The following HPCA variants were observed in gnomAD, a reference collection of about 807,000 sequenced individuals.
The protein encoded by HPCA is neuron-specific calcium-binding protein hippocalcin.
Under a neutral mutation model 18.2 loss-of-function variants are expected in HPCA, and 4 were observed. That is an observed-to-expected ratio of 0.22 (90% confidence interval 0.11 to 0.50). The LOEUF (loss-of-function observed/expected upper bound fraction) is 0.50, where lower values mean the gene tolerates loss of function less well. Among genes scored for constraint, HPCA ranks in the 20% least tolerant of loss-of-function variants. The probability of loss-of-function intolerance (pLI) is 0.97; values close to 1 mark genes in which losing one functional copy is unlikely to be tolerated. For synonymous variants in HPCA, 93 were observed against 103.5 expected (o/e 0.90, Z 0.61); for missense variants, 161 against 265.8 (o/e 0.61, Z 2.74).
At position 32,893,663 on chromosome 1, in the gene HPCA, C is replaced by T. The variant is rs748820769; in HGVS notation, c.484+34C>T. ...CAGGGGCGGGACGGGGTGGACGGGG[C>T]GGGCGCCTTTCCCTCCCTCCCTCCC... On this transcript the variant is annotated intron_variant, in intron 3 of 3. Coordinates refer to ENST00000373467, the MANE Select transcript of HPCA (RefSeq NM_002143.3). This position sits in a 1 kb window ranked among gnomAD's most constrained non-coding sequence, Gnocchi z 7.5. 6.0e-6 allele frequency: 9 copies of T among 1,488,784 alleles called. No individual in the cohort carries two copies. The highest frequency in any genetic ancestry group is 1.4e-5 in the African/African-American group (1 of 72,418). The allele number at this position is 1,488,784 out of a possible 1,614,324, so 92.2% of individuals were successfully genotyped here. A position where few individuals can be genotyped will look rare whatever the true frequency, so the allele number is the denominator to read the frequency against.
chr1:32,893,903 C>G lies in HPCA; in HGVS notation c.*41C>G. On this transcript the variant is annotated 3_prime_UTR_variant, in exon 4 of 4. Coordinates refer to ENST00000373467, the MANE Select transcript of HPCA (RefSeq NM_002143.3). The surrounding 1 kb of genome is among the most constrained non-coding windows in gnomAD (Gnocchi z 7.5). The stretch of plus-strand genomic sequence containing the variant: ...CCTTCCTCCCTCCCTTCACCGGCCC[C>G]CTCCCGGCTCTTAGCTTCCACTCCC... 2 of 1,370,988 alleles carry G rather than the reference C, an allele frequency of 1.5e-6. No individual in the cohort carries two copies. The highest frequency in any genetic ancestry group is 2.0e-6 in the Non-Finnish European group (2 of 985,210). The allele number at this position is 1,370,988 out of a possible 1,614,324, so 84.9% of individuals were successfully genotyped here.
Position 32,894,406 on chromosome 1 carries a change from G to A in HPCA, c.*544G>A, listed in dbSNP as rs1641532563. The A allele has an allele frequency of 4.9e-6, 1 of 203,052 alleles. No individual in the cohort carries two copies. The highest frequency in any genetic ancestry group is 1.0e-5 in the Non-Finnish European group (1 of 99,274). The allele number at this position is 203,052 out of a possible 1,614,324, so 12.6% of individuals were successfully genotyped here. A position where few individuals can be genotyped will look rare whatever the true frequency, so the allele number is the denominator to read the frequency against. On this transcript the variant is annotated 3_prime_UTR_variant, in exon 4 of 4. Coordinates refer to ENST00000373467, the MANE Select transcript of HPCA (RefSeq NM_002143.3). ...AAGCCAGCCTGCCTTTTAGCACTTG[G>A]ATACACACAGACCCACGGAGCTCTC...
At chr1:32,892,769 T>G (rs947324751) in intron 2 of HPCA, among the ~76,000 whole-genome samples, 1 of 152,064 alleles carries the variant, frequency 6.6e-6, no homozygotes, top group African/African-American at 2.4e-5. Context: ...GCTGGAAGAT[T>G]GAGGAGACAG....
chr1:32,889,096 G>T lies in HPCA; in HGVS notation c.198G>T (p.Glu66Asp), dbSNP rs1254742943. The T allele has an allele frequency of 6.2e-7, 1 of 1,614,268 alleles. No homozygotes were observed. Among genetic ancestry groups the T allele is most frequent in the Non-Finnish European group, 8.5e-7 (1 of 1,180,050 alleles). ...ATGGTGACGCCTCCAAGTTTGCCGAGCACGTCTTCCGCACCTTTGACACCA... is the reference window on the plus strand; with the variant it reads ...ATGGTGACGCCTCCAAGTTTGCCGATCACGTCTTCCGCACCTTTGACACCA... ...FPYGDASKFAEHVFRTFDTNS... is the reference protein window; with the variant it reads ...FPYGDASKFADHVFRTFDTNS... Residue 66 changes from glutamate (E) to aspartate (D), a missense_variant, in exon 2 of 4, where the codon GAG (glutamate) becomes GAT (aspartate). Transcript: ENST00000373467. This position sits in a 1 kb window ranked among gnomAD's most constrained non-coding sequence, Gnocchi z 4.6.
Position 32,889,421 on chromosome 1 carries a change from A to G in HPCA, c.378+145A>G. 1 of 980,076 alleles carries G rather than the reference A, an allele frequency of 1.0e-6. No individual in the cohort carries two copies. The highest frequency in any genetic ancestry group is 1.5e-6 in the Non-Finnish European group (1 of 684,754). The allele number at this position is 980,076 out of a possible 1,614,324, so 60.7% of individuals were successfully genotyped here. The stretch of plus-strand genomic sequence containing the variant: ...CCCATTTTAAAAATTGTTTTTAGGA[A>G]ATATTTCCCATTTAAAGAAAAGTTG... On this transcript the variant is annotated intron_variant, in intron 2 of 3. Transcript: ENST00000373467. The surrounding 1 kb of genome is among the most constrained non-coding windows in gnomAD (Gnocchi z 4.6).
upstream of HPCA, chr1:32,886,063 G>A (rs933199645): frequency 6.6e-6 from 1 of 152,372 alleles, no homozygotes; most frequent in Non-Finnish European, 1.5e-5. The surrounding 1 kb of genome is among the most constrained non-coding windows in gnomAD (Gnocchi z 7.0). Flanking sequence ...GCAGGAGCAG[G>A]GAGGGTGCCC....
intron 1 of HPCA, among the ~76,000 whole-genome samples, chr1:32,887,556 G>A (rs1316255929): frequency 1.3e-5 from 2 of 152,180 alleles, no homozygotes; most frequent in East Asian, 3.9e-4. Context: ...TTCAGGACTA[G>A]ATGAAGGGTA....
chr1:32,892,440 G>A (rs1333298666), intron 2 of HPCA, among the ~76,000 whole-genome samples: 1 of 152,144 alleles, frequency 6.6e-6, no homozygotes, highest in Non-Finnish European at 1.5e-5. Context: ...GACCCAGCCT[G>A]GGTTGGAGAA....
Position 32,889,156 on chromosome 1 carries a change from C to A in HPCA, c.258C>A (p.Ile86=), listed in dbSNP as rs1228241586. 1.4e-5 allele frequency: 22 copies of A among 1,614,150 alleles called. No homozygotes were observed. The highest frequency in any genetic ancestry group is 1.9e-5 in the Non-Finnish European group (22 of 1,180,060). Residue 86 remains isoleucine, a synonymous_variant, in exon 2 of 4, where the codon ATC becomes ATA. Transcript: ENST00000373467. This position sits in a 1 kb window ranked among gnomAD's most constrained non-coding sequence, Gnocchi z 4.6. ...GCACCATAGACTTTCGGGAGTTCATCATTGCGCTGAGCGTGACCTCGCGCG... is the reference window on the plus strand; with the variant it reads ...GCACCATAGACTTTCGGGAGTTCATAATTGCGCTGAGCGTGACCTCGCGCG... The part of the protein sequence containing the change: ...SDGTIDFREF[I]IALSVTSRGR...
intron 1 of HPCA, among the ~76,000 whole-genome samples, chr1:32,887,366 C>T (rs1169201941): frequency 6.6e-6 from 1 of 152,192 alleles, no homozygotes; most frequent in Non-Finnish European, 1.5e-5. Context: ...ACTCACAACA[C>T]ACCCATTCAC....
intron 2 of HPCA, among the ~76,000 whole-genome samples, chr1:32,892,032 G>A (rs1366228115): frequency 6.6e-6 from 1 of 152,220 alleles, no homozygotes; most frequent in Non-Finnish European, 1.5e-5. Flanking sequence ...AATAGTGCAT[G>A]TGAAGTACTT....
At position 32,886,886 on chromosome 1, in the gene HPCA, G is replaced by C. The variant is rs932760115; in HGVS notation, c.-22+371G>C. Reference sequence around the variant, plus strand: ...GCTGAGGGGGTTCTTCCCATATGGGGGACTGGAGGTCTTTGCGGGCAGCTG... The same window carrying C: ...GCTGAGGGGGTTCTTCCCATATGGGCGACTGGAGGTCTTTGCGGGCAGCTG... On this transcript the variant is annotated intron_variant, in intron 1 of 3. Coordinates refer to ENST00000373467, the MANE Select transcript of HPCA (RefSeq NM_002143.3). The surrounding 1 kb of genome is among the most constrained non-coding windows in gnomAD (Gnocchi z 7.0). Among the ~76,000 whole-genome samples, 1 of 152,168 alleles carries C rather than the reference G, an allele frequency of 6.6e-6. No homozygotes were observed. Among genetic ancestry groups the C allele is most frequent in the African/African-American group, 2.4e-5 (1 of 41,450 alleles).
intron 1 of HPCA, among the ~76,000 whole-genome samples, chr1:32,888,512 G>A (rs113177499): frequency 3.3e-4 from 51 of 152,286 alleles, no homozygotes; most frequent in African/African-American, 1.0e-3. Context: ...GCCACCTCAC[G>A]TCTGTAAGCC....
chr1:32,893,688 CT>C lies in HPCA; in HGVS notation c.484+60del. 1 of 1,482,522 alleles carries C rather than the reference CT, an allele frequency of 6.7e-7. No homozygotes were observed. Among genetic ancestry groups the C allele is most frequent in the East Asian group, 2.3e-5 (1 of 42,870 alleles). 91.8% of individuals were successfully genotyped at this position (1,482,522 alleles called of 1,614,324 possible). ...CGGGCGCCTTTCCCTCCCTCCCTCC[CT>C]GCCTCCCTTTCCCGCTCCGCCTCCC... On this transcript the variant is annotated intron_variant, in intron 3 of 3. Coordinates refer to ENST00000373467, the MANE Select transcript of HPCA (RefSeq NM_002143.3). This position sits in a 1 kb window ranked among gnomAD's most constrained non-coding sequence, Gnocchi z 7.5.
At chr1:32,887,331 G>C (rs1245771256) in intron 1 of HPCA, among the ~76,000 whole-genome samples, 1 of 152,126 alleles carries the variant, frequency 6.6e-6, no homozygotes, top group African/African-American at 2.4e-5. Flanking sequence ...AAAACCAGCG[G>C]CACACATCAT....
Position 32,894,055 on chromosome 1 carries a change from C to T in HPCA, c.*193C>T, listed in dbSNP as rs1248773296. 1 of 584,190 alleles carries T rather than the reference C, an allele frequency of 1.7e-6. No homozygotes were observed. 36.2% of individuals were successfully genotyped at this position (584,190 alleles called of 1,614,324 possible). A position where few individuals can be genotyped will look rare whatever the true frequency, so the allele number is the denominator to read the frequency against. On this transcript the variant is annotated 3_prime_UTR_variant, in exon 4 of 4. Coordinates refer to ENST00000373467, the MANE Select transcript of HPCA (RefSeq NM_002143.3). ...CAAAGCAAGTAAGCGGTTAGCACCC[C>T]CCAATCCCAGAGGCAACAATAGAGA...
intron 1 of HPCA, among the ~76,000 whole-genome samples, chr1:32,887,003 C>T (rs929240075): frequency 1.3e-5 from 2 of 152,200 alleles, no homozygotes; most frequent in African/African-American, 4.8e-5. Context: ...CTCTCTGCCC[C>T]CACCCCGGTG....
In HPCA at chr1:32,889,140, A is replaced by G. The variant is rs753500319; in HGVS notation, c.242A>G (p.Asp81Gly). 1.2e-6 allele frequency: 2 copies of G among 1,614,236 alleles called. No homozygotes were observed. The highest frequency in any genetic ancestry group is 1.7e-5 in the Admixed American group (1 of 60,036). The change falls in exon 2 of 4, where the codon GAC becomes GGC. Residue 81 changes from aspartate (D) to glycine (G), a missense_variant. Transcript: ENST00000373467. This position sits in a 1 kb window ranked among gnomAD's most constrained non-coding sequence, Gnocchi z 4.6. Reference protein sequence around the residue: ...TFDTNSDGTIDFREFIIALSV... With the variant: ...TFDTNSDGTIGFREFIIALSV... ...GACACCAACAGCGATGGCACCATAGACTTTCGGGAGTTCATCATTGCGCTG... is the reference window on the plus strand; with the variant it reads ...GACACCAACAGCGATGGCACCATAGGCTTTCGGGAGTTCATCATTGCGCTG...
At position 32,893,563 on chromosome 1, in the gene HPCA, G is replaced by C. The variant is rs748641503; in HGVS notation, c.418G>C (p.Glu140Gln). The part of the protein sequence containing the change: ...KMVSSVMKMP[E>Q]DESTPEKRTE... ...GGTTTCGTCCGTGATGAAGATGCCGGAGGACGAGTCGACCCCGGAAAAGAG... is the reference window on the plus strand; with the variant it reads ...GGTTTCGTCCGTGATGAAGATGCCGCAGGACGAGTCGACCCCGGAAAAGAG... Residue 140 changes from glutamate (E) to glutamine (Q), a missense_variant, in exon 3 of 4, where the codon GAG (glutamate) becomes CAG (glutamine). By Grantham distance (29) the Glu-to-Gln change is conservative. Coordinates refer to ENST00000373467, the MANE Select transcript of HPCA (RefSeq NM_002143.3). The surrounding 1 kb of genome is among the most constrained non-coding windows in gnomAD (Gnocchi z 7.5). 3.1e-6 allele frequency: 5 copies of C among 1,613,926 alleles called. No homozygotes were observed. The South Asian group carries it at 3.3e-5, about 11-fold the overall frequency.
Sources: gnomAD v4.1 joint callset for allele counts (sites outside exome capture counted in the v4.1 genomes callset) on GRCh38, gnomAD v4.1.1 for gene constraint, Gnocchi (gnomAD v3.1) non-coding constraint, MANE v1.5 for transcripts, NCBI Gene and HGNC (gene_info 2026-07-23, HGNC 2026-07-21) for gene names.